Variants in BCHE observed in about 807,000 individuals in gnomAD.
The protein encoded by BCHE is butyrylcholinesterase, also known as cholinesterase.
In BCHE, 48 loss-of-function variants were observed where a neutral mutation model predicts 51.3. The ratio of observed to expected loss-of-function variants is 0.94; its 90% CI spans 0.74 to 1.19. The LOEUF is 1.19. Ranked by LOEUF, BCHE falls within the 50% of genes most tolerant of loss-of-function variation. The pLI is 0.00. For missense variants in BCHE, 847 were observed against 708.2 expected, an observed-to-expected ratio of 1.20 and a Z score of -2.23; for synonymous variants, 251 against 238.0, an observed-to-expected ratio of 1.05 and a Z score of -0.50.
In BCHE at chr3:165,824,151, TA is replaced by T. The variant is rs534009147; in HGVS notation, c.1517+5365del. Reference sequence around the variant, plus strand: ...ATTGTATACTTATATTTTTCATGAATAAGAGGAAAACATCAATAAATTATAT... The same window carrying T: ...ATTGTATACTTATATTTTTCATGAATAGAGGAAAACATCAATAAATTATAT... On this transcript the variant is annotated intron_variant, in intron 2 of 3. Coordinates refer to ENST00000264381, the MANE Select transcript of BCHE (RefSeq NM_000055.4). Among the ~76,000 whole-genome samples, 554 of 151,568 alleles carry T rather than the reference TA, an allele frequency of 3.7e-3. 6 individuals are homozygous for T. The highest frequency in any genetic ancestry group is 0.013 in the African/African-American group (529 of 41,394).
chr3:165,828,538 T>C (rs1233319725), intron 2 of BCHE, among the ~76,000 whole-genome samples: 2 of 152,164 alleles, frequency 1.3e-5, no homozygotes, highest in Non-Finnish European at 2.9e-5. Flanking sequence ...AAAGCAATAA[T>C]GTAACTATCG....
At chr3:165,822,991 A>C (rs900544129) in intron 2 of BCHE, among the ~76,000 whole-genome samples, 1 of 152,124 alleles carries the variant, frequency 6.6e-6, no homozygotes, top group African/African-American at 2.4e-5. Context: ...ATATTATAAT[A>C]TAAAAGACAT....
intron 2 of BCHE, among the ~76,000 whole-genome samples, chr3:165,796,576 T>C (rs937214251): frequency 6.6e-6 from 1 of 152,204 alleles, no homozygotes; most frequent in Non-Finnish European, 1.5e-5. Flanking sequence ...CAAATCAAAA[T>C]CTTCACGTAT....
At chr3:165,780,800 T>G (rs572118464) in intron 3 of BCHE, among the ~76,000 whole-genome samples, 1 of 152,300 alleles carries the variant, frequency 6.6e-6, no homozygotes, top group South Asian at 2.1e-4. Context: ...GGAATCCTTT[T>G]ACGCTATTGG....
chr3:165,835,593 A>G (rs1223142187), intron 1 of BCHE, among the ~76,000 whole-genome samples: 1 of 151,870 alleles, frequency 6.6e-6, no homozygotes, highest in Non-Finnish European at 1.5e-5. Flanking sequence ...TCTTTATATC[A>G]AACTTAAAAA....
At chr3:165,835,581 C>T (rs796813890) in intron 1 of BCHE, among the ~76,000 whole-genome samples, 5 of 151,738 alleles carry the variant, frequency 3.3e-5, no homozygotes, top group African/African-American at 1.2e-4. Flanking sequence ...GGAACAACGA[C>T]GTCTTTATAT....
At chr3:165,787,493 T>C (rs766169764) in intron 2 of BCHE, among the ~76,000 whole-genome samples, 1 of 151,778 alleles carries the variant, frequency 6.6e-6, no homozygotes, top group Non-Finnish European at 1.5e-5. Flanking sequence ...CACAAATTGT[T>C]CAGAAGAAGG....
At chr3:165,783,402 G>T (rs1712793564) in intron 3 of BCHE, among the ~76,000 whole-genome samples, 1 of 151,982 alleles carries the variant, frequency 6.6e-6, no homozygotes, top group South Asian at 2.1e-4. Flanking sequence ...TATTTGTTTT[G>T]TTTTGCTTTT....
In BCHE at chr3:165,828,085, G is replaced by A. The variant is rs1474597017; in HGVS notation, c.1517+1432C>T. 3 of 455,568 alleles carry A rather than the reference G, an allele frequency of 6.6e-6. No homozygotes were observed. In the Admixed American group the frequency reaches 7.1e-5, roughly 11 times the overall value. 28.2% of individuals were successfully genotyped at this position (455,568 alleles called of 1,614,324 possible). On this transcript the variant is annotated intron_variant, in intron 2 of 3. Transcript: ENST00000264381. ...GGAAGAACAGCTTACAATGAAAGAG[G>A]AAATAGACAAGTTACAGTCAACTTC... is the stretch of plus-strand genomic sequence containing the variant.
chr3:165,791,948 A>AAAAATAAAATAAAAT (rs59363319), intron 2 of BCHE, among the ~76,000 whole-genome samples: 11,893 of 135,472 alleles, frequency 0.088, 621 homozygotes, highest in African/African-American at 0.13. Flanking sequence ...CTCCATCTCA[A>AAAAATAAAATAAAAT]AAAATAAAAT....
intron 2 of BCHE, among the ~76,000 whole-genome samples, chr3:165,798,619 T>C (rs753985268): frequency 1.3e-5 from 2 of 152,128 alleles, no homozygotes; most frequent in African/African-American, 2.4e-5. Context: ...AACATAAATC[T>C]GGTGTTTTAA....
intron 2 of BCHE, among the ~76,000 whole-genome samples, chr3:165,797,276 TCCTTCCTC>T (rs1713441851): frequency 4.4e-4 from 2 of 4,526 alleles, no homozygotes; most frequent in Admixed American, 2.6e-3. Context: ...CTTCCTTCCT[TCCTTCCTC>T]CCTCCTTCCT....
intron 3 of BCHE, among the ~76,000 whole-genome samples, chr3:165,779,608 C>G (rs148816273): frequency 6.6e-6 from 1 of 151,958 alleles, no homozygotes; most frequent in Non-Finnish European, 1.5e-5. Flanking sequence ...ACAAGCATTC[C>G]TATACACCAA....
intron 2 of BCHE, among the ~76,000 whole-genome samples, chr3:165,792,073 CTT>C (rs1461502449): frequency 6.6e-6 from 1 of 152,108 alleles, no homozygotes; most frequent in Non-Finnish European, 1.5e-5. Context: ...TGTAGTTACT[CTT>C]GATTTTACTG....
intron 3 of BCHE, among the ~76,000 whole-genome samples, chr3:165,776,587 A>T (rs917546407): frequency 2.0e-4 from 31 of 152,038 alleles, no homozygotes; most frequent in African/African-American, 7.0e-4. Context: ...TCAAATATTG[A>T]TGTGACGTTT....
In BCHE at chr3:165,807,517, GATTT is replaced by G. The variant is rs58025912; in HGVS notation, c.1518-21210_1518-21207del. Among the ~76,000 whole-genome samples, 674 of 149,874 alleles carry G rather than the reference GATTT, an allele frequency of 4.5e-3. 1 individual carries two copies. Among genetic ancestry groups the G allele is most frequent in the Middle Eastern group, 0.01 (3 of 288 alleles). ...TAAAGATAAAGAAATGTTATTATGA[GATTT>G]ATTTATTTATTTATTTATTTATTTA... On this transcript the variant is annotated intron_variant, in intron 2 of 3. Coordinates refer to ENST00000264381, the MANE Select transcript of BCHE (RefSeq NM_000055.4).
chr3:165,792,622 G>T (rs1713213523), intron 2 of BCHE, among the ~76,000 whole-genome samples: 1 of 152,068 alleles, frequency 6.6e-6, no homozygotes, highest in Non-Finnish European at 1.5e-5. Context: ...TATTAATATA[G>T]ATTTGAAATT....
chr3:165,797,852 G>T (rs1042399418), intron 2 of BCHE, among the ~76,000 whole-genome samples: 52 of 152,188 alleles, frequency 3.4e-4, no homozygotes, highest in African/African-American at 1.3e-3. Flanking sequence ...AAAATAGCTT[G>T]ATTTTAAATG....
intron 1 of BCHE, 56 bp downstream of exon 1, chr3:165,837,258 T>G: frequency 1.6e-4 from 173 of 1,107,048 alleles, no homozygotes; most frequent in Middle Eastern, 2.3e-4. Flanking sequence ...TCCCACAGAA[T>G]GAGCTTTACA....
Sources: allele counts gnomAD v4.1 joint callset (sites outside exome capture counted in the v4.1 genomes callset), GRCh38; gene constraint gnomAD v4.1.1; transcripts MANE v1.5; gene names NCBI Gene and HGNC (gene_info 2026-07-23, HGNC 2026-07-21).